The following ZNF578 variants were observed in gnomAD, a reference collection of about 807,000 sequenced individuals.
ZNF578 encodes zinc finger protein 578.
In ZNF578, 8 loss-of-function variants were observed where a neutral mutation model predicts 8.3. That is an observed-to-expected ratio of 0.96 (90% CI 0.56 to 1.74). The LOEUF is 1.74. Ranked by LOEUF, ZNF578 falls within the 40% of genes most tolerant of loss-of-function variation. The pLI is 0.00. For missense variants in ZNF578, 726 were observed against 707.5 expected (o/e 1.03, Z -0.30); for synonymous variants, 206 against 232.2 (o/e 0.89, Z 1.03).
Position 52,512,407 on chromosome 19 carries a change from C to T in ZNF578, c.*253C>T. 6.8e-7 allele frequency: 1 copy of T among 1,462,744 alleles called. No homozygotes were observed. Among genetic ancestry groups the T allele is most frequent in the East Asian group, 2.3e-5 (1 of 43,844 alleles). The allele number at this position is 1,462,744 out of a possible 1,614,324, so 90.6% of individuals were successfully genotyped here. A position where few individuals can be genotyped will look rare whatever the true frequency, so the allele number is the denominator to read the frequency against. On this transcript the variant is annotated 3_prime_UTR_variant, in exon 6 of 6. Coordinates refer to ENST00000421239, the MANE Select transcript of ZNF578 (RefSeq NM_001099694.2). ...AACGATTGCAAATCATTGGAGAATC[C>T]ATAATGAAGAGAGATCTTCCGAGTG...
chr19:52,482,426 A>G (rs1279175853), intron 2 of ZNF578, among the ~76,000 whole-genome samples: 1 of 152,104 alleles, frequency 6.6e-6, no homozygotes, highest in Non-Finnish European at 1.5e-5. Context: ...TCACGAGGTC[A>G]GGGGTTCGAG....
chr19:52,503,262 C>T (rs1022957117), intron 4 of ZNF578, among the ~76,000 whole-genome samples: 1 of 152,152 alleles, frequency 6.6e-6, no homozygotes, highest in Non-Finnish European at 1.5e-5. Context: ...CTTGCTACAG[C>T]CTTGATATCC....
intron 2 of ZNF578, among the ~76,000 whole-genome samples, chr19:52,484,442 G>A (rs1293147946): frequency 2.0e-5 from 3 of 152,076 alleles, no homozygotes; most frequent in South Asian, 2.1e-4. Context: ...CCCTTCCCAC[G>A]AGGCCATATT....
At chr19:52,484,466 T>A (rs2059337932) in intron 2 of ZNF578, among the ~76,000 whole-genome samples, 1 of 152,030 alleles carries the variant, frequency 6.6e-6, no homozygotes, top group African/African-American at 2.4e-5. Flanking sequence ...GAATATCACA[T>A]GGGGGAGAAA....
At chr19:52,481,652 T>C (rs2122843476) in intron 2 of ZNF578, among the ~76,000 whole-genome samples, 1 of 152,352 alleles carries the variant, frequency 6.6e-6, no homozygotes, top group South Asian at 2.1e-4. Context: ...TGTCACTCTC[T>C]TCCCTTTTCC....
chr19:52,501,983 G>C, intron 4 of ZNF578, 75 bp downstream of exon 4: 1 of 1,548,302 alleles, frequency 6.5e-7, no homozygotes, highest in Non-Finnish European at 8.7e-7. Flanking sequence ...TTGTATTGTA[G>C]TAATGTATTG....
chr19:52,459,113 T>A (rs1488884982), intron 2 of ZNF578, among the ~76,000 whole-genome samples: 1 of 152,204 alleles, frequency 6.6e-6, no homozygotes, highest in African/African-American at 2.4e-5. Context: ...TCCATGATGC[T>A]CTTTGTTATG....
intron 2 of ZNF578, among the ~76,000 whole-genome samples, chr19:52,470,598 G>A (rs1054502311): frequency 6.6e-6 from 1 of 152,148 alleles, no homozygotes; most frequent in Non-Finnish European, 1.5e-5. Flanking sequence ...CCCACCCTCA[G>A]TGTGGGTGGG....
In ZNF578 at chr19:52,511,263, G is replaced by A; in HGVS notation, c.882G>A (p.Lys294=). ...EKPYKCNECG[K]SFSYKSSLTC... ...CTTACAAGTGTAATGAATGTGGAAA[G>A]TCCTTCAGTTACAAGTCATCCCTGA... The change falls in exon 6 of 6, where the codon AAG becomes AAA. Residue 294 remains lysine (K), a synonymous_variant. Transcript: ENST00000421239. 1 of 1,614,100 alleles carries A rather than the reference G, an allele frequency of 6.2e-7. No individual in the cohort carries two copies. The highest frequency in any genetic ancestry group is 8.5e-7 in the Non-Finnish European group (1 of 1,180,006).
In ZNF578 at chr19:52,515,011, G is replaced by A. The variant is rs2123012175; in HGVS notation, c.*2857G>A. Among the ~76,000 whole-genome samples the A allele has an allele frequency of 6.8e-6, 1 of 147,028 alleles. No homozygotes were observed. Among genetic ancestry groups the A allele is most frequent in the South Asian group, 2.2e-4 (1 of 4,610 alleles). Reference sequence around the variant, plus strand: ...GAGTTTTGCTTTTGTTGCTGAGGCTGGAGTGCAATGGTGCGATCTGGTGTC... The same window carrying A: ...GAGTTTTGCTTTTGTTGCTGAGGCTAGAGTGCAATGGTGCGATCTGGTGTC... On this transcript the variant is annotated 3_prime_UTR_variant, in exon 6 of 6. Transcript: ENST00000421239.
chr19:52,483,791 G>A (rs537030670), intron 2 of ZNF578, among the ~76,000 whole-genome samples: 3 of 152,256 alleles, frequency 2.0e-5, no homozygotes, highest in African/African-American at 7.2e-5. Flanking sequence ...TGCACCCTCC[G>A]ACACTGTTAG....
intron 4 of ZNF578, among the ~76,000 whole-genome samples, chr19:52,502,562 C>A (rs1169937132): frequency 1.3e-5 from 2 of 149,010 alleles, no homozygotes; most frequent in African/African-American, 2.4e-5. Flanking sequence ...CATGGTGAAA[C>A]CCCATCTCTA....
intron 2 of ZNF578, 73 bp downstream of exon 2, chr19:52,457,031 T>C (rs374088834): frequency 9.8e-5 from 15 of 152,764 alleles, no homozygotes; most frequent in African/African-American, 3.4e-4. Flanking sequence ...TGTTATGATA[T>C]ATATTGGTTT....
intron 2 of ZNF578, among the ~76,000 whole-genome samples, chr19:52,476,038 G>C (rs2059307364): frequency 6.6e-6 from 1 of 151,918 alleles, no homozygotes; most frequent in African/African-American, 2.4e-5. Flanking sequence ...CGAGAAACAG[G>C]TTCTCTTTGA....
chr19:52,507,078 C>A (rs1311773644), intron 5 of ZNF578, among the ~76,000 whole-genome samples: 2 of 152,008 alleles, frequency 1.3e-5, no homozygotes, highest in Non-Finnish European at 2.9e-5. Flanking sequence ...CATAATGAAA[C>A]CTTGAATCTA....
At chr19:52,456,747 TC>T (rs1388465195) in intron 1 of ZNF578, 120 bp from the exon 2 acceptor site, 1 of 154,736 alleles carries the variant, frequency 6.5e-6, no homozygotes, top group Non-Finnish European at 1.5e-5. Context: ...GCGAGGTCTT[TC>T]CTGTGTATGT....
Position 52,510,733 on chromosome 19 carries a change from CA to C in ZNF578, c.357del (p.Asp120MetfsTer16). Reference sequence around the variant, plus strand: ...TATTCATGACTTTGAGTTTCAGTCACAAAAAGATGAAAGAAATGGCCATGAA... The same window carrying C: ...TATTCATGACTTTGAGTTTCAGTCACAAAAGATGAAAGAAATGGCCATGAA... ...KDIHDFEFQSQKDERNGHEAS... is the reference protein window; with the variant it reads ...KDIHDFEFQSXKDERNGHEAS... On this transcript the variant is annotated frameshift_variant, in exon 6 of 6. Transcript: ENST00000421239. LOFTEE classifies it low-confidence loss of function (END_TRUNC). 6.2e-7 allele frequency: 1 copy of C among 1,612,446 alleles called. No individual in the cohort carries two copies.
At chr19:52,509,581 A>G (rs1014522528) in intron 5 of ZNF578, among the ~76,000 whole-genome samples, 2 of 152,160 alleles carry the variant, frequency 1.3e-5, no homozygotes, top group African/African-American at 4.8e-5. Context: ...AGCCTGGCCA[A>G]CATGGTGAAA....
At chr19:52,478,221 A>C (rs2059314205) in intron 2 of ZNF578, among the ~76,000 whole-genome samples, 1 of 152,278 alleles carries the variant, frequency 6.6e-6, no homozygotes, top group Non-Finnish European at 1.5e-5. Context: ...CACCAAATAC[A>C]GATTCTAGCA....
Sources: gnomAD v4.1 joint callset for allele counts (sites outside exome capture counted in the v4.1 genomes callset) on GRCh38, gnomAD v4.1.1 for gene constraint, MANE v1.5 for transcripts, NCBI Gene and HGNC (gene_info 2026-07-23, HGNC 2026-07-21) for gene names.